The following EYS variants were observed in gnomAD, a reference collection of about 807,000 sequenced individuals.
The protein encoded by EYS is EGF-like photoreceptor maintenance factor, also known as protein eyes shut homolog.
In EYS, 250 loss-of-function variants were observed where a neutral mutation model predicts 282.1. The ratio of observed to expected loss-of-function variants is 0.89; its 90% CI spans 0.80 to 0.98. The LOEUF is 0.98. Among genes scored for constraint, EYS ranks in the 50% least tolerant of loss-of-function variants. EYS has a pLI of 0.00. For missense variants in EYS, 4,016 were observed against 3,709.0 expected, an observed-to-expected ratio of 1.08 and a Z score of -2.15; for synonymous variants, 1,355 against 1,282.9, an observed-to-expected ratio of 1.06 and a Z score of -1.20.
At chr6:64,555,696 G>GTTA (rs3028204) in intron 26 of EYS, among the ~76,000 whole-genome samples, 21,320 of 151,718 alleles carry the variant, frequency 0.14, 1,554 homozygotes, top group East Asian at 0.27. Context: ...GATAGTCAAA[G>GTTA]TTATTATAAT....
At chr6:65,131,209 G>A (rs1484500832) in intron 12 of EYS, among the ~76,000 whole-genome samples, 1 of 151,660 alleles carries the variant, frequency 6.6e-6, no homozygotes, top group Non-Finnish European at 1.5e-5. Flanking sequence ...CATTTCCCTT[G>A]AGCTTAGATA....
intron 2 of EYS, among the ~76,000 whole-genome samples, chr6:65,604,342 G>T (rs1765709333): frequency 6.6e-6 from 1 of 151,916 alleles, no homozygotes; most frequent in Non-Finnish European, 1.5e-5. Context: ...ATTTTACAAT[G>T]TTGATGTGCG....
At chr6:64,938,056 A>G (rs116610157) in intron 15 of EYS, among the ~76,000 whole-genome samples, 1 of 151,782 alleles carries the variant, frequency 6.6e-6, no homozygotes, top group African/African-American at 2.4e-5. Flanking sequence ...TTTATATGAA[A>G]TGTCCAGAAC....
intron 29 of EYS, among the ~76,000 whole-genome samples, chr6:64,345,603 AG>A (rs559667261): frequency 0.024 from 3,720 of 152,232 alleles, 138 homozygotes; most frequent in African/African-American, 0.085. Context: ...AAACCCTAGA[AG>A]AAAACCTAGG....
At chr6:65,101,302 C>T (rs1774886334) in intron 12 of EYS, among the ~76,000 whole-genome samples, 2 of 151,028 alleles carry the variant, frequency 1.3e-5, no homozygotes, top group Admixed American at 6.6e-5. Flanking sequence ...AATTACAAAC[C>T]ACTGTGTGCC....
Position 64,937,236 on chromosome 6 carries a change from T to G in EYS, c.2381+8557A>C, listed in dbSNP as rs1476804561. On this transcript the variant is annotated intron_variant, in intron 15 of 42. Coordinates refer to ENST00000503581, the MANE Select transcript of EYS (RefSeq NM_001142800.2). ...GAAATAAAATTATTGTAATCTTCAG[T>G]TAGACAACAATTTCTTAGCTATGAT... Among the ~76,000 whole-genome samples the G allele has an allele frequency of 4.0e-5, 6 of 151,670 alleles. No homozygotes were observed. The South Asian group carries it at 1.2e-3, about 31-fold the overall frequency.
chr6:65,576,961 A>C (rs1223223557), intron 2 of EYS, among the ~76,000 whole-genome samples: 1 of 151,898 alleles, frequency 6.6e-6, no homozygotes, highest in Non-Finnish European at 1.5e-5. Context: ...CATGGATTAG[A>C]ATAATTAATA....
chr6:64,116,794 A>G (rs1436974939), intron 31 of EYS, among the ~76,000 whole-genome samples: 2 of 152,148 alleles, frequency 1.3e-5, no homozygotes, highest in Admixed American at 1.3e-4. Flanking sequence ...CAGACAAAAT[A>G]GTTTTTAAGT....
chr6:65,443,570 A>C (rs1003976390), intron 5 of EYS, among the ~76,000 whole-genome samples: 6 of 121,458 alleles, frequency 4.9e-5, no homozygotes, highest in African/African-American at 2.4e-4. Context: ...GTATACACAC[A>C]TATGTGTATA....
At chr6:65,132,190 G>T (rs567899672) in intron 12 of EYS, among the ~76,000 whole-genome samples, 1 of 152,102 alleles carries the variant, frequency 6.6e-6, no homozygotes, top group East Asian at 1.9e-4. Flanking sequence ...GAGGAGGAGG[G>T]ATTCCTTCCT....
At chr6:64,776,669 T>C (rs1168343589) in intron 22 of EYS, among the ~76,000 whole-genome samples, 1 of 152,114 alleles carries the variant, frequency 6.6e-6, no homozygotes, top group Non-Finnish European at 1.5e-5. Context: ...ATCATTAGCC[T>C]TTCACATATA....
chr6:65,449,677 G>A (rs1455506080), intron 5 of EYS, among the ~76,000 whole-genome samples: 1 of 152,000 alleles, frequency 6.6e-6, no homozygotes, highest in African/African-American at 2.4e-5. Flanking sequence ...TCATTTTAAA[G>A]CAAAGGCAAG....
intron 41 of EYS, among the ~76,000 whole-genome samples, chr6:63,752,671 A>G (rs1317549743): frequency 6.6e-6 from 1 of 151,014 alleles, no homozygotes; most frequent in African/African-American, 2.4e-5. Context: ...TTTTTTTTGT[A>G]TTTTTAGTAG....
intron 11 of EYS, chr6:65,332,205 T>C (rs1295608915): frequency 1.8e-6 from 1 of 550,014 alleles, no homozygotes; most frequent in Admixed American, 3.1e-5. Context: ...TTTCATAAAG[T>C]GTTGTGAGAT....
chr6:64,199,408 C>T (rs1765395491), intron 31 of EYS, among the ~76,000 whole-genome samples: 1 of 152,080 alleles, frequency 6.6e-6, no homozygotes, highest in Non-Finnish European at 1.5e-5. Flanking sequence ...GGACACCTTC[C>T]CTACACCTTA....
At chr6:65,667,123 T>C (rs1056229641) in intron 1 of EYS, among the ~76,000 whole-genome samples, 2 of 151,846 alleles carry the variant, frequency 1.3e-5, no homozygotes, top group African/African-American at 2.4e-5. Context: ...TCTCTTGCTC[T>C]GACTACTGCC....
intron 5 of EYS, among the ~76,000 whole-genome samples, chr6:65,455,289 T>A (rs969566849): frequency 6.6e-6 from 1 of 152,180 alleles, no homozygotes; most frequent in Admixed American, 6.5e-5. Flanking sequence ...TCTTGAATTC[T>A]TTTTCAGATA....
At chr6:64,615,927 A>G (rs1240778504) in intron 24 of EYS, among the ~76,000 whole-genome samples, 1 of 152,036 alleles carries the variant, frequency 6.6e-6, no homozygotes, top group Non-Finnish European at 1.5e-5. Flanking sequence ...AGATGTTTCT[A>G]TTTCTAACAT....
intron 12 of EYS, among the ~76,000 whole-genome samples, chr6:65,279,883 T>C (rs1768169363): frequency 6.6e-6 from 1 of 152,168 alleles, no homozygotes; most frequent in Non-Finnish European, 1.5e-5. Flanking sequence ...AATTTTGACA[T>C]TCACCAGCCC....
Sources: allele counts gnomAD v4.1 joint callset (sites outside exome capture counted in the v4.1 genomes callset), GRCh38; gene constraint gnomAD v4.1.1; transcripts MANE v1.5; gene names NCBI Gene and HGNC (gene_info 2026-07-23, HGNC 2026-07-21).